The following PRRX1 variants were observed in gnomAD, a reference collection of about 807,000 sequenced individuals.
PRRX1 encodes the protein paired mesoderm homeobox protein 1.
Under a neutral mutation model 24.0 loss-of-function variants are expected in PRRX1, and 8 were observed. The ratio of observed to expected loss-of-function variants is 0.33; its 90% CI spans 0.20 to 0.60. PRRX1 has a LOEUF of 0.60. Among genes scored for constraint, PRRX1 ranks in the 20% least tolerant of loss-of-function variants. The pLI is 0.82. For synonymous variants in PRRX1, 160 were observed against 131.7 expected (o/e 1.22, Z -1.47); for missense variants, 281 against 322.4 (o/e 0.87, Z 0.98).
At chr1:170,688,254 A>G (rs1006975132) in intron 1 of PRRX1, among the ~76,000 whole-genome samples, 2 of 152,148 alleles carry the variant, frequency 1.3e-5, no homozygotes, top group Non-Finnish European at 2.9e-5. Flanking sequence ...CTCCAAGTAC[A>G]AAGTGGGTCC....
At chr1:170,699,534 G>A (rs904717214) in intron 1 of PRRX1, among the ~76,000 whole-genome samples, 1 of 152,016 alleles carries the variant, frequency 6.6e-6, no homozygotes, top group Non-Finnish European at 1.5e-5. Context: ...TTGGGGAAAG[G>A]CTTCCCCAAG....
intron 1 of PRRX1, among the ~76,000 whole-genome samples, chr1:170,717,142 G>A (rs1654930962): frequency 6.6e-6 from 1 of 152,192 alleles, no homozygotes; most frequent in Non-Finnish European, 1.5e-5. Context: ...ATCTGAACTA[G>A]TGTTTTCATT....
intron 1 of PRRX1, among the ~76,000 whole-genome samples, chr1:170,701,178 T>TAA (rs1226996169): frequency 6.6e-6 from 1 of 152,224 alleles, no homozygotes; most frequent in Non-Finnish European, 1.5e-5. Flanking sequence ...TCTCATCTAT[T>TAA]AAGTTACAGT....
At chr1:170,670,184 G>A (rs947036138) in intron 1 of PRRX1, among the ~76,000 whole-genome samples, 2 of 152,172 alleles carry the variant, frequency 1.3e-5, no homozygotes, top group Admixed American at 1.3e-4. Context: ...GTCGAATTCT[G>A]TATTTTACTT....
intron 1 of PRRX1, among the ~76,000 whole-genome samples, chr1:170,692,484 T>C (rs1654021859): frequency 6.6e-6 from 1 of 152,082 alleles, no homozygotes; most frequent in Non-Finnish European, 1.5e-5. Flanking sequence ...TACATTATTC[T>C]TAAATTGTTG....
At chr1:170,700,350 T>A (rs551656197) in intron 1 of PRRX1, among the ~76,000 whole-genome samples, 323 of 152,172 alleles carry the variant, frequency 2.1e-3, no homozygotes, top group African/African-American at 7.5e-3. Context: ...TGGAGAACCT[T>A]TAGGATATAT....
chr1:170,694,989 G>A (rs1654118904), intron 1 of PRRX1, among the ~76,000 whole-genome samples: 1 of 152,152 alleles, frequency 6.6e-6, no homozygotes, highest in Non-Finnish European at 1.5e-5. Flanking sequence ...ACAATCCGAT[G>A]CATTGGGAGA....
chr1:170,671,420 T>G (rs1426042834), intron 1 of PRRX1, among the ~76,000 whole-genome samples: 1 of 152,350 alleles, frequency 6.6e-6, no homozygotes, highest in East Asian at 1.9e-4. Flanking sequence ...CCCCACCCCA[T>G]CTTCGCAGTT....
chr1:170,702,590 G>C (rs1654420334), intron 1 of PRRX1, among the ~76,000 whole-genome samples: 1 of 152,200 alleles, frequency 6.6e-6, no homozygotes, highest in Admixed American at 6.5e-5. Context: ...TTTCTTTAGA[G>C]TGAGGGTAAC....
intron 1 of PRRX1, among the ~76,000 whole-genome samples, chr1:170,694,330 CTCCAGTAT>C (rs1654096107): frequency 6.6e-6 from 1 of 152,150 alleles, no homozygotes; most frequent in South Asian, 2.1e-4. Context: ...GAAATTCCTT[CTCCAGTAT>C]TCCTGGCAGA....
At chr1:170,702,225 T>A (rs1654409371) in intron 1 of PRRX1, among the ~76,000 whole-genome samples, 1 of 152,236 alleles carries the variant, frequency 6.6e-6, no homozygotes, top group African/African-American at 2.4e-5. Flanking sequence ...CACCTCCTGC[T>A]GTGTGGCCCT....
At chr1:170,691,665 TTC>T (rs1045213237) in intron 1 of PRRX1, among the ~76,000 whole-genome samples, 1 of 151,810 alleles carries the variant, frequency 6.6e-6, no homozygotes, top group Admixed American at 6.6e-5. Flanking sequence ...CTCTTTCCTC[TTC>T]TCTCTTTCTT....
At chr1:170,713,674 C>A (rs1654816602) in intron 1 of PRRX1, among the ~76,000 whole-genome samples, 1 of 152,134 alleles carries the variant, frequency 6.6e-6, no homozygotes, top group South Asian at 2.1e-4. Flanking sequence ...CAAAACCATG[C>A]AAAATAATGT....
chr1:170,685,555 A>G lies in PRRX1; in HGVS notation c.241+21096A>G, dbSNP rs528864872. On this transcript the variant is annotated intron_variant, in intron 1 of 3. Coordinates refer to ENST00000239461, the MANE Select transcript of PRRX1 (RefSeq NM_022716.4). ...GAGACTAAAAGATTTTGGAATTTGG[A>G]GTCAGAAAATCTAGATTTCAATCCT... is the stretch of plus-strand genomic sequence containing the variant. Among the ~76,000 whole-genome samples the G allele has an allele frequency of 3.3e-5, 5 of 152,300 alleles. No individual in the cohort carries two copies. In the South Asian group the frequency reaches 1.0e-3, roughly 32 times the overall value.
intron 1 of PRRX1, among the ~76,000 whole-genome samples, chr1:170,703,421 T>C (rs908137026): frequency 6.6e-6 from 1 of 152,200 alleles, no homozygotes; most frequent in Non-Finnish European, 1.5e-5. Context: ...CAGAGGTTCT[T>C]AGCAAGTAGT....
intron 1 of PRRX1, chr1:170,667,661 C>G (rs375057607): frequency 1.4e-4 from 21 of 152,232 alleles, no homozygotes; most frequent in African/African-American, 4.3e-4. Flanking sequence ...CTCCCCCACC[C>G]CCAAAGGGAC....
At chr1:170,680,208 T>C (rs1425556224) in intron 1 of PRRX1, among the ~76,000 whole-genome samples, 1 of 152,186 alleles carries the variant, frequency 6.6e-6, no homozygotes, top group Non-Finnish European at 1.5e-5. Context: ...TATATAATTA[T>C]GAATCGTTGT....
chr1:170,672,746 A>G (rs1322096205), intron 1 of PRRX1, among the ~76,000 whole-genome samples: 1 of 152,252 alleles, frequency 6.6e-6, no homozygotes, highest in Non-Finnish European at 1.5e-5. Flanking sequence ...CACTTCAGAT[A>G]TATACAGAGA....
Position 170,736,409 on chromosome 1 carries a change from T to C in PRRX1, c.*223T>C. 1.7e-6 allele frequency: 1 copy of C among 600,700 alleles called. No individual in the cohort carries two copies. Among genetic ancestry groups the C allele is most frequent in the Non-Finnish European group, 2.9e-6 (1 of 345,014 alleles). 37.2% of individuals were successfully genotyped at this position (600,700 alleles called of 1,614,324 possible). A position where few individuals can be genotyped will look rare whatever the true frequency, so the allele number is the denominator to read the frequency against. On this transcript the variant is annotated 3_prime_UTR_variant, in exon 4 of 4. Coordinates refer to ENST00000239461, the MANE Select transcript of PRRX1 (RefSeq NM_022716.4). Reference sequence around the variant, plus strand: ...CCCTCTGGGATACCACCACCACTTGTTTCTGTGTGTGTTTATTTTGTTTTT... The same window carrying C: ...CCCTCTGGGATACCACCACCACTTGCTTCTGTGTGTGTTTATTTTGTTTTT...
Sources: gnomAD v4.1 joint callset for allele counts (sites outside exome capture counted in the v4.1 genomes callset) on GRCh38, gnomAD v4.1.1 for gene constraint, MANE v1.5 for transcripts, NCBI Gene and HGNC (gene_info 2026-07-23, HGNC 2026-07-21) for gene names.